TMPRSS15: variants seen among roughly 807,000 people sequenced by gnomAD.
The protein encoded by TMPRSS15 is enteropeptidase.
A neutral mutation model predicts 125.3 loss-of-function variants in TMPRSS15; 128 were observed. The ratio of observed to expected loss-of-function variants is 1.02; its 90% CI spans 0.89 to 1.18. The LOEUF (loss-of-function observed/expected upper bound fraction) is 1.18. Among genes scored for constraint, TMPRSS15 ranks in the 50% most tolerant of loss-of-function variants. The pLI, the probability that TMPRSS15 is intolerant of heterozygous loss-of-function variation, is 0.00. For missense variants in TMPRSS15, 1,283 were observed against 1,212.7 expected (o/e 1.06, Z -0.86); for synonymous variants, 446 against 423.2 (o/e 1.05, Z -0.66).
intron 21 of TMPRSS15, among the ~76,000 whole-genome samples, chr21:18,283,649 T>C (rs2074728902): frequency 6.6e-6 from 1 of 152,058 alleles, no homozygotes; most frequent in Non-Finnish European, 1.5e-5. Context: ...AGAGGACATG[T>C]CATTATTAAA....
At chr21:18,313,122 G>A in intron 17 of TMPRSS15, 45 bp from the exon 18 acceptor site, 2 of 1,398,958 alleles carry the variant, frequency 1.4e-6, no homozygotes, top group Non-Finnish European at 1.0e-6. Flanking sequence ...AGACTGAAGG[G>A]TGCGGAGTAT....
Position 18,277,669 on chromosome 21 carries a change from G to A in TMPRSS15, c.2764+1295C>T, listed in dbSNP as rs532663775. On this transcript the variant is annotated intron_variant, in intron 23 of 24. Transcript: ENST00000284885. ...AACTTTGTGCTTTCTCTTATAATAGGTAACGACATTTTAAATGTGAGTACT... is the reference window on the plus strand; with the variant it reads ...AACTTTGTGCTTTCTCTTATAATAGATAACGACATTTTAAATGTGAGTACT... Among the ~76,000 whole-genome samples the A allele has an allele frequency of 1.8e-4, 28 of 152,284 alleles. No individual in the cohort carries two copies. In the South Asian group the frequency reaches 5.6e-3, roughly 30 times the overall value.
chr21:18,314,892 A>G (rs772315002), intron 17 of TMPRSS15, among the ~76,000 whole-genome samples: 1 of 152,106 alleles, frequency 6.6e-6, no homozygotes, highest in Non-Finnish European at 1.5e-5. Flanking sequence ...TCCTATATGG[A>G]TATTTGTTGC....
chr21:18,341,396 A>C lies in TMPRSS15; in HGVS notation c.1564+17T>G. 3 of 1,614,034 alleles carry C rather than the reference A, an allele frequency of 1.9e-6. No individual in the cohort carries two copies. Among genetic ancestry groups the C allele is most frequent in the Non-Finnish European group, 2.5e-6 (3 of 1,179,946 alleles). On this transcript the variant is annotated intron_variant, in intron 13 of 24. Transcript: ENST00000284885. ...TTAATGATTTAATAAGACAAAATAC[A>C]CATGAAGGTTACTTACTAGGAAGTT...
At chr21:18,388,715 G>A (rs1414132547) in intron 3 of TMPRSS15, among the ~76,000 whole-genome samples, 1 of 152,272 alleles carries the variant, frequency 6.6e-6, no homozygotes, top group South Asian at 2.1e-4. Flanking sequence ...CTAGAAAAGA[G>A]AAATTCGTTT....
In TMPRSS15 at chr21:18,269,769, A is replaced by G; in HGVS notation, c.*200T>C. 1.8e-6 allele frequency: 1 copy of G among 554,542 alleles called. No homozygotes were observed. Among genetic ancestry groups the G allele is most frequent in the Non-Finnish European group, 3.2e-6 (1 of 314,724 alleles). 34.4% of individuals were successfully genotyped at this position (554,542 alleles called of 1,614,324 possible). Reference sequence around the variant, plus strand: ...ATACAAATGTATTTAATGGTATTTTAAAGTTATTCTGTATTGCTATGGTGA... The same window carrying G: ...ATACAAATGTATTTAATGGTATTTTGAAGTTATTCTGTATTGCTATGGTGA... On this transcript the variant is annotated 3_prime_UTR_variant, in exon 25 of 25. Transcript: ENST00000284885.
chr21:18,279,990 T>A lies in TMPRSS15; in HGVS notation c.2669-931A>T, dbSNP rs76631550. ...GACCTAGGGCAGACACAAAAATGAA[T>A]AAGACACAGTGCTTATCCTTAAGGA... On this transcript the variant is annotated intron_variant, in intron 22 of 24. Coordinates refer to ENST00000284885, the MANE Select transcript of TMPRSS15 (RefSeq NM_002772.3). Among the ~76,000 whole-genome samples the A allele has an allele frequency of 2.0e-3, 306 of 152,260 alleles. 14 individuals carry two copies. In the East Asian group the frequency reaches 0.051, roughly 25 times the overall value.
chr21:18,437,547 A>C (rs1428194941), intron 1 of TMPRSS15, among the ~76,000 whole-genome samples: 1 of 152,178 alleles, frequency 6.6e-6, no homozygotes, highest in East Asian at 1.9e-4. Flanking sequence ...CAACCTACAA[A>C]ATGGGAGAAA....
chr21:18,353,961 T>A, intron 8 of TMPRSS15, 98 bp from the exon 9 acceptor site: 1 of 1,160,228 alleles, frequency 8.6e-7, no homozygotes, highest in Non-Finnish European at 1.3e-6. Flanking sequence ...GTTTGTCAGT[T>A]GATCTATACA....
chr21:18,273,390 A>T (rs1041251217), intron 24 of TMPRSS15, among the ~76,000 whole-genome samples: 4 of 152,214 alleles, frequency 2.6e-5, no homozygotes, highest in African/African-American at 9.7e-5. Flanking sequence ...AAAACATAGT[A>T]TTAAAGTTGA....
At position 18,341,174 on chromosome 21, in the gene TMPRSS15, G is replaced by A. The variant is rs55929900; in HGVS notation, c.1564+239C>T. On this transcript the variant is annotated intron_variant, in intron 13 of 24. Coordinates refer to ENST00000284885, the MANE Select transcript of TMPRSS15 (RefSeq NM_002772.3). ...TCTCTCAGGCTCAAGAGTCCCTCCTGCCTCAGCCTCTCCGGTAGCTGGGAC... is the reference window on the plus strand; with the variant it reads ...TCTCTCAGGCTCAAGAGTCCCTCCTACCTCAGCCTCTCCGGTAGCTGGGAC... 0.097 allele frequency among the ~76,000 whole-genome samples: 14,712 copies of A among 152,118 alleles called. 769 individuals are homozygous for A. The highest frequency in any genetic ancestry group is 0.12 in the Non-Finnish European group (7,933 of 67,980).
intron 1 of TMPRSS15, among the ~76,000 whole-genome samples, chr21:18,456,757 C>G (rs1042671337): frequency 2.6e-5 from 4 of 152,034 alleles, no homozygotes; most frequent in African/African-American, 9.7e-5. Context: ...AAAGCATACA[C>G]TTGGAATAAA....
At chr21:18,445,592 A>T (rs2076254021) in intron 1 of TMPRSS15, among the ~76,000 whole-genome samples, 1 of 152,224 alleles carries the variant, frequency 6.6e-6, no homozygotes, top group Non-Finnish European at 1.5e-5. Context: ...GGGCAATAGC[A>T]CATCAAAAAG....
chr21:18,308,222 G>GA (rs1361859394), intron 18 of TMPRSS15, among the ~76,000 whole-genome samples: 1 of 152,102 alleles, frequency 6.6e-6, no homozygotes. Flanking sequence ...TACTTGAAAT[G>GA]AAAATAAACA....
intron 18 of TMPRSS15, among the ~76,000 whole-genome samples, chr21:18,310,512 G>A (rs1159138121): frequency 6.6e-6 from 1 of 151,664 alleles, no homozygotes; most frequent in Non-Finnish European, 1.5e-5. Context: ...GGAGTTGAAA[G>A]ACCTCTTCAA....
intron 5 of TMPRSS15, among the ~76,000 whole-genome samples, chr21:18,373,942 C>G (rs2075816099): frequency 6.6e-6 from 1 of 152,152 alleles, no homozygotes; most frequent in Admixed American, 6.5e-5. Flanking sequence ...GGCAGAGCCT[C>G]TCTCTTTTTA....
At chr21:18,480,300 T>C (rs1248109282) in intron 1 of TMPRSS15, among the ~76,000 whole-genome samples, 1 of 151,932 alleles carries the variant, frequency 6.6e-6, no homozygotes, top group Non-Finnish European at 1.5e-5. Flanking sequence ...TTAGTCTTGT[T>C]CATGTATGGA....
intron 1 of TMPRSS15, among the ~76,000 whole-genome samples, chr21:18,425,381 C>CAT (rs1055725867): frequency 3.3e-5 from 5 of 152,058 alleles, no homozygotes; most frequent in African/African-American, 1.2e-4. Flanking sequence ...AGAAAGGCTT[C>CAT]ATATCTTGCA....
intron 1 of TMPRSS15, among the ~76,000 whole-genome samples, chr21:18,471,931 G>A (rs112608487): frequency 1.1e-3 from 174 of 152,266 alleles, no homozygotes; most frequent in Middle Eastern, 3.4e-3. Context: ...TGAGGTGAGG[G>A]TGAAGAGCAA....
Sources: gnomAD v4.1 joint callset for allele counts (sites outside exome capture counted in the v4.1 genomes callset) on GRCh38, gnomAD v4.1.1 for gene constraint, MANE v1.5 for transcripts, NCBI Gene and HGNC (gene_info 2026-07-23, HGNC 2026-07-21) for gene names.